The following TPM3 variants were observed in gnomAD, a reference collection of about 807,000 sequenced individuals.
The protein encoded by TPM3 is tropomyosin alpha-3 chain.
In TPM3, 16 loss-of-function variants were observed where a neutral mutation model predicts 43.1. That is an observed-to-expected ratio of 0.37 (90% CI 0.25 to 0.56). The LOEUF (loss-of-function observed/expected upper bound fraction) is 0.56, where lower values mean the gene tolerates loss of function less well. TPM3 is among the 20% of genes least tolerant of loss of function. TPM3 has a pLI of 0.77. For missense variants in TPM3, 176 were observed against 337.2 expected, an observed-to-expected ratio of 0.52 and a Z score of 3.74; for synonymous variants, 101 against 116.9, an observed-to-expected ratio of 0.86 and a Z score of 0.88.
In TPM3 at chr1:154,170,729, T is replaced by G. The variant is rs1661479071; in HGVS notation, c.643-18A>C. The G allele has an allele frequency of 6.4e-7, 1 of 1,571,654 alleles. No homozygotes were observed. Among genetic ancestry groups the G allele is most frequent in the Non-Finnish European group, 8.7e-7 (1 of 1,144,454 alleles). ...TGAGAGTACTGTAAGATAAGTAGATTAAAAATTTCAGAGTAGAAATTAGTC... is the reference window on the plus strand; with the variant it reads ...TGAGAGTACTGTAAGATAAGTAGATGAAAAATTTCAGAGTAGAAATTAGTC... On this transcript the variant is annotated intron_variant, in intron 6 of 9. Transcript: ENST00000651641.
chr1:154,168,049 T>G, intron 9 of TPM3, 109 bp from the exon 10 acceptor site: 2 of 1,498,072 alleles, frequency 1.3e-6, no homozygotes, highest in Non-Finnish European at 1.8e-6. Flanking sequence ...GCAGGAATAA[T>G]AAAAGAGAGC....
rs1023546547 is a variant in TPM3 at position 154,161,878 on chromosome 1, A to G, written c.*6059T>C. Among the ~76,000 whole-genome samples, 1 of 152,202 alleles carries G rather than the reference A, an allele frequency of 6.6e-6. No individual in the cohort carries two copies. The highest frequency in any genetic ancestry group is 2.4e-5 in the African/African-American group (1 of 41,444). ...CACAGAGTTTCCTAGGAATTGCATG[A>G]GGTCAGAAAGACAAATGCAGCTGTT... On this transcript the variant is annotated 3_prime_UTR_variant, in exon 10 of 10. Transcript: ENST00000651641.
rs751418942 is a variant in TPM3 at position 154,183,230 on chromosome 1, C to G, written c.244-6982G>C. 9 of 1,547,302 alleles carry G rather than the reference C, an allele frequency of 5.8e-6. No individual in the cohort carries two copies. In the Admixed American group the frequency reaches 1.5e-4, roughly 26 times the overall value. ...CTACGCCCTGAAATACCGGAACTCA[C>G]CAACCCGCCCGGATGTGACGTCCCT... On this transcript the variant is annotated intron_variant, in intron 2 of 9. Transcript: ENST00000651641.
chr1:154,175,553 G>A (rs1474926107), intron 3 of TPM3, among the ~76,000 whole-genome samples: 1 of 152,122 alleles, frequency 6.6e-6, no homozygotes, highest in Non-Finnish European at 1.5e-5. Context: ...CAAAGTTTCT[G>A]ATTCAGCAGA....
At chr1:154,155,319 C>A (rs1004289165), downstream of TPM3, 4 of 449,314 alleles carry the variant, frequency 8.9e-6, no homozygotes, top group Non-Finnish European at 1.2e-5. Flanking sequence ...CTAAAAAAAA[C>A]CCTTTAATTT....
rs1021195951 is a variant in TPM3 at position 154,167,133 on chromosome 1, T to C, written c.*804A>G. 6.6e-6 allele frequency among the ~76,000 whole-genome samples: 1 copy of C among 152,246 alleles called. No homozygotes were observed. The highest frequency in any genetic ancestry group is 1.5e-5 in the Non-Finnish European group (1 of 68,044). ...TGATTGGTCATTTTAGTTTTCCCAA[T>C]AATAATTTATCACTTATCTTATATC... On this transcript the variant is annotated 3_prime_UTR_variant, in exon 10 of 10. Transcript: ENST00000651641.
At chr1:154,189,510 C>T (rs1434608033) in intron 2 of TPM3, among the ~76,000 whole-genome samples, 1 of 136,514 alleles carries the variant, frequency 7.3e-6, no homozygotes, top group Non-Finnish European at 1.6e-5. Context: ...AAAAAGAAAC[C>T]TGGCTGGGCG....
At chr1:154,183,362 T>C (rs1663204426) in intron 2 of TPM3, 7 of 1,367,284 alleles carry the variant, frequency 5.1e-6, no homozygotes, top group East Asian at 2.7e-5. Flanking sequence ...GCTCCCGGCC[T>C]TACCTTGGGC....
intron 7 of TPM3, 54 bp downstream of exon 7, chr1:154,170,595 C>A (rs1250490355): frequency 1.9e-6 from 3 of 1,590,942 alleles, no homozygotes; most frequent in Non-Finnish European, 2.6e-6. Flanking sequence ...CATATTAATG[C>A]CTTATATACC....
At position 154,167,544 on chromosome 1, in the gene TPM3, T is replaced by C; in HGVS notation, c.*393A>G. 1 of 1,116,728 alleles carries C rather than the reference T, an allele frequency of 9.0e-7. No homozygotes were observed. The highest frequency in any genetic ancestry group is 1.1e-6 in the Non-Finnish European group (1 of 909,514). 69.2% of individuals were successfully genotyped at this position (1,116,728 alleles called of 1,614,324 possible). On this transcript the variant is annotated 3_prime_UTR_variant, in exon 10 of 10. Transcript: ENST00000651641. ...ACTAAAATTACTATCCTGAGTAACCTGTACTAAATCCATCACTCTGGTAGA... is the reference window on the plus strand; with the variant it reads ...ACTAAAATTACTATCCTGAGTAACCCGTACTAAATCCATCACTCTGGTAGA...
At chr1:154,172,433 T>C (rs1481811527) in intron 5 of TPM3, 1 of 535,866 alleles carries the variant, frequency 1.9e-6, no homozygotes, top group Admixed American at 2.3e-5. Flanking sequence ...TTTAAATTTA[T>C]TTGTTTTAGG....
intron 6 of TPM3, 114 bp downstream of exon 6, chr1:154,171,299 G>A (rs1243401122): frequency 1.9e-6 from 2 of 1,077,350 alleles, no homozygotes; most frequent in Non-Finnish European, 2.9e-6. Flanking sequence ...TAAGGAGGTA[G>A]GAAGAGGACA....
chr1:154,180,082 A>T (rs1045302644), intron 2 of TPM3, among the ~76,000 whole-genome samples: 17 of 152,200 alleles, frequency 1.1e-4, no homozygotes, highest in Admixed American at 2.0e-4. Flanking sequence ...CCATTTAGAC[A>T]GAAGTAAAAA....
intron 2 of TPM3, chr1:154,182,902 C>G (rs746995702): frequency 6.3e-7 from 1 of 1,597,958 alleles, no homozygotes; most frequent in Non-Finnish European, 8.5e-7. Context: ...TTCAGAGGAC[C>G]GTGCTCCACG....
At chr1:154,182,869 C>T in intron 2 of TPM3, 1 of 1,521,178 alleles carries the variant, frequency 6.6e-7, no homozygotes, top group Non-Finnish European at 9.0e-7. Context: ...GAGATCCCAA[C>T]TTCATCTCCG....
chr1:154,164,969 A>G lies in TPM3; in HGVS notation c.*2968T>C, dbSNP rs1446454368. Among the ~76,000 whole-genome samples the G allele has an allele frequency of 2.0e-5, 3 of 152,226 alleles. No individual in the cohort carries two copies. The highest frequency in any genetic ancestry group is 2.9e-5 in the Non-Finnish European group (2 of 68,038). ...ATCCCCATTAACTCCAAGTAAAATT[A>G]TAACTCCTCAGCCTCATTTTAAGAC... is the stretch of plus-strand genomic sequence containing the variant. On this transcript the variant is annotated 3_prime_UTR_variant, in exon 10 of 10. Coordinates refer to ENST00000651641, the MANE Select transcript of TPM3 (RefSeq NM_152263.4).
At chr1:154,174,427 C>A (rs188112009) in intron 3 of TPM3, among the ~76,000 whole-genome samples, 1 of 113,512 alleles carries the variant, frequency 8.8e-6, no homozygotes, top group Non-Finnish European at 1.8e-5. Context: ...AATCCCATCC[C>A]AGCTTCCCCA....
In TPM3 at chr1:154,183,900, TTGC is replaced by T. The variant is rs1195811242; in HGVS notation, c.243+7283_243+7285del. 4.8e-5 allele frequency: 7 copies of T among 144,996 alleles called. No individual in the cohort carries two copies. The East Asian group carries it at 1.5e-3, about 31-fold the overall frequency. The allele number at this position is 144,996 out of a possible 1,614,324, so 9.0% of individuals were successfully genotyped here. A position where few individuals can be genotyped will look rare whatever the true frequency, so the allele number is the denominator to read the frequency against. On this transcript the variant is annotated intron_variant, in intron 2 of 9. Coordinates refer to ENST00000651641, the MANE Select transcript of TPM3 (RefSeq NM_152263.4). ...TTTTAAGAGACAAGATCTCGCTCTG[TTGC>T]TGGAGTGCGGCAGTGGCGAGATCAC...
intron 5 of TPM3, chr1:154,171,981 A>C (rs369982558): frequency 1.6e-4 from 252 of 1,607,624 alleles, no homozygotes; most frequent in Middle Eastern, 2.1e-4. Flanking sequence ...AAAACAAAAC[A>C]AAACCACACC....
Sources: gnomAD v4.1 joint callset for allele counts (sites outside exome capture counted in the v4.1 genomes callset) on GRCh38, gnomAD v4.1.1 for gene constraint, MANE v1.5 for transcripts, NCBI Gene and HGNC (gene_info 2026-07-23, HGNC 2026-07-21) for gene names.